The following DPP10 variants were observed in gnomAD, a reference collection of about 807,000 sequenced individuals.
The protein encoded by DPP10 is inactive dipeptidyl peptidase 10.
Under a neutral mutation model 120.9 loss-of-function variants are expected in DPP10, and 33 were observed. The ratio of observed to expected loss-of-function variants is 0.27; its 90% confidence interval spans 0.21 to 0.37. The LOEUF (loss-of-function observed/expected upper bound fraction) is 0.37, where lower values mean the gene tolerates loss of function less well. DPP10 is among the 10% of genes least tolerant of loss of function. The pLI is 1.00. For missense variants in DPP10, 816 were observed against 942.8 expected (o/e 0.87, Z 1.76); for synonymous variants, 337 against 326.1 (o/e 1.03, Z -0.36).
In DPP10 at chr2:115,702,712, G is replaced by A. The variant is rs2091942305; in HGVS notation, c.576+12791G>A. ...CAGTTGGAAGGATTGAGGGATCAGG[G>A]AGTGATAGCTAAAGTATATGGGACT... On this transcript the variant is annotated intron_variant, in intron 7 of 25. Coordinates refer to ENST00000410059, the MANE Select transcript of DPP10 (RefSeq NM_020868.6). 1.3e-5 allele frequency among the ~76,000 whole-genome samples: 2 copies of A among 152,202 alleles called. 1 individual carries two copies. Among genetic ancestry groups the A allele is most frequent in the Non-Finnish European group, 2.9e-5 (2 of 67,962 alleles).
intron 1 of DPP10, among the ~76,000 whole-genome samples, chr2:115,240,500 T>C (rs961894174): frequency 6.6e-6 from 1 of 152,238 alleles, no homozygotes; most frequent in East Asian, 1.9e-4. Context: ...ATTCTGGATA[T>C]TAGCCTTTAG....
chr2:115,668,236 G>T (rs2089615238), intron 5 of DPP10, among the ~76,000 whole-genome samples: 1 of 151,316 alleles, frequency 6.6e-6, no homozygotes. Context: ...CGCCAACATT[G>T]ATGTTGAAAT....
Position 114,484,938 on chromosome 2 carries a change from AT to A in DPP10, c.60+42114del, listed in dbSNP as rs112288442. On this transcript the variant is annotated intron_variant, in intron 1 of 25. Coordinates refer to ENST00000410059, the MANE Select transcript of DPP10 (RefSeq NM_020868.6). ...TTTATTTCATTGGGCTGCTTCTAAG[AT>A]TTTTTTTTTTTTTGAAGAACGGGTT... Among the ~76,000 whole-genome samples the A allele has an allele frequency of 3.0e-3, 430 of 145,556 alleles. 2 individuals are homozygous for A. Among genetic ancestry groups the A allele is most frequent in the Middle Eastern group, 7.2e-3 (2 of 276 alleles).
At chr2:114,866,777 A>T (rs990324707) in intron 1 of DPP10, among the ~76,000 whole-genome samples, 2 of 152,246 alleles carry the variant, frequency 1.3e-5, no homozygotes, top group South Asian at 2.1e-4. Context: ...AACCTAAAAA[A>T]GTAAGAATAT....
In DPP10 at chr2:115,525,916, A is replaced by G. The variant is rs889772033; in HGVS notation, c.385A>G (p.Arg129Gly). 6.2e-7 allele frequency: 1 copy of G among 1,609,634 alleles called. No individual in the cohort carries two copies. The highest frequency in any genetic ancestry group is 1.3e-5 in the African/African-American group (1 of 74,732). ...NTTFVTFKAS[R>G]HSVSPDLKYV... is the part of the protein sequence containing the mutation. ...TTTCTAGGTAACCTTCAAAGCATCA[A>G]GACATTCAGTTTCACCAGATTTAAA... Residue 129 changes from arginine to glycine, a missense_variant, in exon 5 of 26, where the codon AGA becomes GGA. Physicochemically the swap from Arg to Gly is moderately radical, Grantham distance 125 (BLOSUM62 -2). This residue lies in a region of DPP10 where 182 missense variants were observed against 207.4 expected (regional missense o/e 0.88). Coordinates refer to ENST00000410059, the MANE Select transcript of DPP10 (RefSeq NM_020868.6).
chr2:115,293,888 CTTTG>C (rs2060768920), intron 1 of DPP10, among the ~76,000 whole-genome samples: 1 of 152,132 alleles, frequency 6.6e-6, no homozygotes, highest in Admixed American at 6.6e-5. Context: ...TAAAGAAGTA[CTTTG>C]TTTTTGATAC....
chr2:115,000,368 C>T (rs1337088336), intron 1 of DPP10, among the ~76,000 whole-genome samples: 1 of 152,096 alleles, frequency 6.6e-6, no homozygotes, highest in Non-Finnish European at 1.5e-5. Context: ...ATTCTTACCA[C>T]TGATATTTTT....
At chr2:115,638,316 G>A (rs1447886552) in intron 5 of DPP10, among the ~76,000 whole-genome samples, 1 of 152,188 alleles carries the variant, frequency 6.6e-6, no homozygotes, top group Non-Finnish European at 1.5e-5. Flanking sequence ...TGTGATTGCA[G>A]TCTGGAAGGC....
chr2:115,666,205 G>A (rs1265276399), intron 5 of DPP10, among the ~76,000 whole-genome samples: 3 of 152,060 alleles, frequency 2.0e-5, no homozygotes, highest in Non-Finnish European at 4.4e-5. Flanking sequence ...ATGCTGCTAT[G>A]AAGCATATCT....
intron 1 of DPP10, among the ~76,000 whole-genome samples, chr2:115,247,466 C>T (rs772367405): frequency 7.2e-5 from 11 of 151,914 alleles, no homozygotes; most frequent in Admixed American, 3.3e-4. Context: ...ATATTTATCT[C>T]GGAGAATCAG....
intron 1 of DPP10, among the ~76,000 whole-genome samples, chr2:114,538,162 T>A (rs950315070): frequency 6.6e-6 from 1 of 152,222 alleles, no homozygotes; most frequent in Admixed American, 6.5e-5. Flanking sequence ...TGTTTCTTTA[T>A]GCAAAGAAGA....
intron 2 of DPP10, among the ~76,000 whole-genome samples, chr2:115,312,606 T>A (rs1223050215): frequency 6.6e-6 from 1 of 152,174 alleles, no homozygotes; most frequent in Admixed American, 6.6e-5. Context: ...TGTGTACGTC[T>A]GTGGTCAGCC....
intron 1 of DPP10, among the ~76,000 whole-genome samples, chr2:114,481,474 T>C (rs980353676): frequency 4.6e-5 from 7 of 152,142 alleles, no homozygotes; most frequent in African/African-American, 1.7e-4. Context: ...AATCAAAATG[T>C]TAAGAGGTAC....
intron 5 of DPP10, among the ~76,000 whole-genome samples, chr2:115,637,385 A>C (rs192848282): frequency 2.0e-5 from 3 of 152,306 alleles, no homozygotes; most frequent in East Asian, 1.9e-4. Context: ...TTAAATTAGC[A>C]TAATCACAAA....
At chr2:115,737,968 GA>G (rs1419981744) in intron 8 of DPP10, among the ~76,000 whole-genome samples, 4 of 152,166 alleles carry the variant, frequency 2.6e-5, no homozygotes, top group Non-Finnish European at 4.4e-5. Flanking sequence ...CTGTCAGCAA[GA>G]AGATTTGTCA....
intron 1 of DPP10, among the ~76,000 whole-genome samples, chr2:115,301,971 C>T (rs1053407920): frequency 3.3e-5 from 5 of 151,900 alleles, no homozygotes; most frequent in African/African-American, 1.2e-4. Flanking sequence ...CTATCTGACA[C>T]TAGGTAATTT....
chr2:115,730,366 T>C (rs891511418), intron 8 of DPP10, among the ~76,000 whole-genome samples: 3 of 152,144 alleles, frequency 2.0e-5, no homozygotes. Context: ...GGGTCACTAG[T>C]AAGTAGTGGT....
chr2:114,841,867 C>T (rs868500546), intron 1 of DPP10, among the ~76,000 whole-genome samples: 6 of 151,950 alleles, frequency 3.9e-5, no homozygotes, highest in Non-Finnish European at 8.8e-5. Flanking sequence ...TGGAGACACC[C>T]GGCACTCATG....
chr2:115,182,332 C>T (rs1000405211), intron 1 of DPP10, among the ~76,000 whole-genome samples: 1 of 152,132 alleles, frequency 6.6e-6, no homozygotes, highest in African/African-American at 2.4e-5. Flanking sequence ...GATATAATTA[C>T]ATTAATGAAT....
Sources: gnomAD v4.1 joint callset for allele counts (sites outside exome capture counted in the v4.1 genomes callset) on GRCh38, gnomAD v4.1.1 for gene constraint, gnomAD v4.1.1 regional missense constraint, MANE v1.5 for transcripts, NCBI Gene and HGNC (gene_info 2026-07-23, HGNC 2026-07-21) for gene names.